Variants in TLN2 observed in about 807,000 individuals in gnomAD.
TLN2 encodes the protein talin 2, also known as talin-2.
TLN2 carries 118 observed loss-of-function variants against 294.7 expected under a neutral mutation model. That is an observed-to-expected ratio of 0.40 (90% CI 0.34 to 0.47). The LOEUF (loss-of-function observed/expected upper bound fraction) is 0.47, where lower values mean the gene tolerates loss of function less well. Among genes scored for constraint, TLN2 ranks in the 20% least tolerant of loss-of-function variants. TLN2 has a pLI of 0.84. For synonymous variants in TLN2, 1,431 were observed against 1,304.5 expected (o/e 1.10, Z -2.09); for missense variants, 3,083 against 3,282.2 (o/e 0.94, Z 1.48).
At chr15:62,583,239 C>T (rs117524039) in intron 1 of TLN2, among the ~76,000 whole-genome samples, 6,928 of 152,216 alleles carry the variant, frequency 0.046, 247 homozygotes, top group Non-Finnish European at 0.072. Flanking sequence ...TTCAGGAAAT[C>T]AGTGTTAAAA....
chr15:62,776,302 A>C (rs1222408345), intron 42 of TLN2, among the ~76,000 whole-genome samples: 2 of 152,168 alleles, frequency 1.3e-5, no homozygotes, highest in Non-Finnish European at 2.9e-5. Flanking sequence ...CTCTACAAAT[A>C]TATTTCCCAT....
chr15:62,833,396 A>G (rs1013978667), intron 54 of TLN2, 108 bp from the exon 55 acceptor site: 8 of 1,495,236 alleles, frequency 5.4e-6, no homozygotes, highest in Admixed American at 2.0e-5. Flanking sequence ...TTGTCAACAA[A>G]AAACAATAGG....
At chr15:62,727,009 AT>A (rs2060476100) in intron 27 of TLN2, 77 bp from the exon 28 acceptor site, 2 of 1,452,542 alleles carry the variant, frequency 1.4e-6, no homozygotes, top group Admixed American at 4.0e-5. Context: ...GATCTGCATG[AT>A]TTTTCTAAAT....
At chr15:62,817,694 C>G (rs925994607) in intron 52 of TLN2, among the ~76,000 whole-genome samples, 4 of 151,968 alleles carry the variant, frequency 2.6e-5, no homozygotes, top group African/African-American at 9.7e-5. Flanking sequence ...CTGAGAAAGA[C>G]TGTGCTACCT....
At chr15:62,404,265 A>G (rs1350159956) in intron 1 of TLN2, among the ~76,000 whole-genome samples, 6 of 152,194 alleles carry the variant, frequency 3.9e-5, no homozygotes, top group Admixed American at 2.0e-4. Context: ...GATGGAGACA[A>G]ATGGTTGCAG....
chr15:62,423,446 C>T (rs1197414726), intron 1 of TLN2, among the ~76,000 whole-genome samples: 1 of 152,172 alleles, frequency 6.6e-6, no homozygotes, highest in Admixed American at 6.5e-5. Flanking sequence ...CTCCATGTTA[C>T]CAGCACCTAT....
chr15:62,727,031 C>G (rs1359256832), intron 27 of TLN2, 56 bp from the exon 28 acceptor site: 2 of 1,551,588 alleles, frequency 1.3e-6, no homozygotes, highest in Non-Finnish European at 1.8e-6. Context: ...TATTTTAAGA[C>G]CTCAGCAGAT....
At chr15:62,582,229 C>G (rs374009965) in intron 1 of TLN2, among the ~76,000 whole-genome samples, 1 of 146,572 alleles carries the variant, frequency 6.8e-6, no homozygotes. Context: ...CACACACACA[C>G]ACACACACAC....
chr15:62,431,835 C>A (rs774185400), intron 1 of TLN2, among the ~76,000 whole-genome samples: 1 of 152,168 alleles, frequency 6.6e-6, no homozygotes, highest in Non-Finnish European at 1.5e-5. Context: ...TGCCTCTGTG[C>A]AGCTTGGTGT....
rs1020676518 is a variant in TLN2 at position 62,671,216 on chromosome 15, C to T, written c.789-2611C>T. On this transcript the variant is annotated intron_variant, in intron 9 of 58. Coordinates refer to ENST00000636159, the MANE Select transcript of TLN2 (RefSeq NM_015059.3). The stretch of plus-strand genomic sequence containing the variant: ...CATACATAATTTGCCAATATTTTCC[C>T]CCATTCTATGGATTGTATTTTCGCT... Among the ~76,000 whole-genome samples, 10 of 151,968 alleles carry T rather than the reference C, an allele frequency of 6.6e-5. No individual in the cohort carries two copies. In the East Asian group the frequency reaches 1.5e-3, roughly 23 times the overall value.
intron 1 of TLN2, among the ~76,000 whole-genome samples, chr15:62,579,922 G>GC (rs912019519): frequency 2.6e-5 from 4 of 152,182 alleles, no homozygotes; most frequent in Admixed American, 6.5e-5. Flanking sequence ...AGTTCTAGCA[G>GC]CGTGGAGCCT....
chr15:62,481,210 T>G (rs1313204964), intron 1 of TLN2, among the ~76,000 whole-genome samples: 2 of 140,072 alleles, frequency 1.4e-5, no homozygotes, highest in African/African-American at 5.0e-5. Flanking sequence ...AGTTGCAAGT[T>G]GTTCTTTTTT....
chr15:62,694,424 C>T (rs758027643), intron 14 of TLN2, 32 bp downstream of exon 14: 1 of 1,590,646 alleles, frequency 6.3e-7, no homozygotes. Flanking sequence ...AGAGGACCAC[C>T]TTCTCCCTAG....
intron 2 of TLN2, among the ~76,000 whole-genome samples, chr15:62,603,682 T>A (rs1567176508): frequency 6.6e-6 from 1 of 152,192 alleles, no homozygotes; most frequent in Non-Finnish European, 1.5e-5. Context: ...AAGCAGGATG[T>A]CTACAGACTA....
At chr15:62,709,981 C>T (rs189476408) in intron 21 of TLN2, among the ~76,000 whole-genome samples, 30 of 152,176 alleles carry the variant, frequency 2.0e-4, no homozygotes, top group Admixed American at 1.3e-3. Context: ...GTGATCTGCC[C>T]GCCTCAGCCT....
rs182884071 is a variant in TLN2, at chr15:62,825,975, G to A, written c.7002+5365G>A. Among the ~76,000 whole-genome samples the A allele has an allele frequency of 9.5e-4, 137 of 144,638 alleles. 4 individuals are homozygous for A. In the East Asian group the frequency reaches 0.026, roughly 28 times the overall value. 94.9% of individuals were successfully genotyped at this position (144,638 alleles called of 152,430 possible). On this transcript the variant is annotated intron_variant, in intron 54 of 58. Coordinates refer to ENST00000636159, the MANE Select transcript of TLN2 (RefSeq NM_015059.3). ...TGGGAGGCGGAGGTTGCCGTGAGCC[G>A]GGATCGTGCCACTGCACTCCAGCCT...
chr15:62,835,824 A>G (rs774247801), intron 56 of TLN2, 25 bp downstream of exon 56: 29 of 1,613,778 alleles, frequency 1.8e-5, no homozygotes, highest in Non-Finnish European at 6.8e-6. Context: ...CCTTCCTCCC[A>G]GTTTGCTTTT....
In TLN2 at chr15:62,713,768, T is replaced by A. The variant is rs2140895705; in HGVS notation, c.2634+1691T>A. On this transcript the variant is annotated intron_variant, in intron 22 of 58. Coordinates refer to ENST00000636159, the MANE Select transcript of TLN2 (RefSeq NM_015059.3). Reference sequence around the variant, plus strand: ...ATCATGTTACTTGAGGGACTGAGAGTTCTTAGAGACACCTCGTGGGTAGGG... The same window carrying A: ...ATCATGTTACTTGAGGGACTGAGAGATCTTAGAGACACCTCGTGGGTAGGG... Among the ~76,000 whole-genome samples the A allele has an allele frequency of 1.3e-5, 2 of 151,860 alleles. 1 individual carries two copies. Among genetic ancestry groups the A allele is most frequent in the South Asian group, 4.2e-4 (2 of 4,784 alleles).
chr15:62,485,153 G>A (rs758182261), intron 1 of TLN2, among the ~76,000 whole-genome samples: 3 of 152,110 alleles, frequency 2.0e-5, no homozygotes, highest in Non-Finnish European at 4.4e-5. Flanking sequence ...CTGCTTTTCA[G>A]GACCTTCGTG....
Sources: gnomAD v4.1 joint callset for allele counts (sites outside exome capture counted in the v4.1 genomes callset) on GRCh38, gnomAD v4.1.1 for gene constraint, MANE v1.5 for transcripts, NCBI Gene and HGNC (gene_info 2026-07-23, HGNC 2026-07-21) for gene names.